WDR49: variants seen among roughly 807,000 people sequenced by gnomAD.
WDR49 encodes the protein WD repeat domain 49.
WDR49 carries 107 observed loss-of-function variants against 119.5 expected under a neutral mutation model. The observed-to-expected ratio is 0.90, with a 90% CI of 0.77 to 1.05. The LOEUF (loss-of-function observed/expected upper bound fraction) is 1.05, where lower values mean the gene tolerates loss of function less well. Among genes scored for constraint, WDR49 ranks in the 50% least tolerant of loss-of-function variants. The pLI, the probability that WDR49 is intolerant of heterozygous loss-of-function variation, is 0.00. For synonymous variants in WDR49, 425 were observed against 418.8 expected, an observed-to-expected ratio of 1.01 and a Z score of -0.18; for missense variants, 1,240 against 1,220.5, an observed-to-expected ratio of 1.02 and a Z score of -0.24.
chr3:167,546,196 G>T (rs1448591313), intron 10 of WDR49, among the ~76,000 whole-genome samples: 2 of 151,738 alleles, frequency 1.3e-5, no homozygotes, highest in Non-Finnish European at 1.5e-5. Context: ...GACATACTAG[G>T]TATAGTCAGA....
intron 10 of WDR49, among the ~76,000 whole-genome samples, chr3:167,538,422 T>A (rs960450070): frequency 6.6e-6 from 1 of 152,128 alleles, no homozygotes; most frequent in African/African-American, 2.4e-5. Context: ...ATGTTACATA[T>A]TCGTTTCTTA....
At chr3:167,561,861 C>T (rs1713288671) in intron 8 of WDR49, among the ~76,000 whole-genome samples, 1 of 152,108 alleles carries the variant, frequency 6.6e-6, no homozygotes, top group South Asian at 2.1e-4. Context: ...ACAGCCACAT[C>T]ATAAGGTCTT....
At chr3:167,606,678 T>G (rs901593887) in intron 5 of WDR49, among the ~76,000 whole-genome samples, 1 of 152,118 alleles carries the variant, frequency 6.6e-6, no homozygotes, top group African/African-American at 2.4e-5. Flanking sequence ...ACAGAATAAT[T>G]CACTGGGAAG....
chr3:167,547,079 C>A (rs1454069910), intron 10 of WDR49, among the ~76,000 whole-genome samples: 2 of 151,740 alleles, frequency 1.3e-5, no homozygotes, highest in Non-Finnish European at 1.5e-5. Flanking sequence ...TCTTTCCCTC[C>A]AATATGGCTA....
intron 2 of WDR49, among the ~76,000 whole-genome samples, chr3:167,641,254 G>A (rs999326478): frequency 6.6e-6 from 1 of 151,976 alleles, no homozygotes; most frequent in African/African-American, 2.4e-5. Context: ...TGCAGAATTT[G>A]CCTCTGTTGA....
intron 17 of WDR49, among the ~76,000 whole-genome samples, chr3:167,501,616 T>A (rs545035369): frequency 6.6e-6 from 1 of 152,276 alleles, no homozygotes; most frequent in East Asian, 1.9e-4. Flanking sequence ...AGTGTGACAT[T>A]CCCTTGGACA....
chr3:167,561,421 T>G (rs929972174), intron 8 of WDR49, among the ~76,000 whole-genome samples: 16 of 151,926 alleles, frequency 1.1e-4, no homozygotes. Flanking sequence ...GAAATGGATC[T>G]TTAAAGAGCA....
At chr3:167,604,250 T>A (rs754597595) in intron 6 of WDR49, 51 bp downstream of exon 6, 1 of 1,596,796 alleles carries the variant, frequency 6.3e-7, no homozygotes, top group East Asian at 2.2e-5. Flanking sequence ...CAAATATACA[T>A]CCCAGACTAT....
chr3:167,651,139 C>A (rs1718358272), intron 2 of WDR49, among the ~76,000 whole-genome samples: 1 of 152,160 alleles, frequency 6.6e-6, no homozygotes, highest in Non-Finnish European at 1.5e-5. Flanking sequence ...AAAGACCCAA[C>A]TTCCTGTTTT....
rs550650794 is a variant in WDR49 at position 167,621,374 on chromosome 3, T to C, written c.783+93A>G. The C allele has an allele frequency of 2.6e-5, 33 of 1,245,604 alleles. No homozygotes were observed. The African/African-American group carries it at 3.4e-4, about 13-fold the overall frequency. 77.2% of individuals were successfully genotyped at this position (1,245,604 alleles called of 1,614,324 possible). The stretch of plus-strand genomic sequence containing the variant: ...ATGTAATCCATAATGTAATTAAATT[T>C]GGAGGTCACACTCATTGCATTTTAA... On this transcript the variant is annotated intron_variant, in intron 4 of 18. Transcript: ENST00000682715.
chr3:167,642,432 T>C (rs1044458041), intron 2 of WDR49, among the ~76,000 whole-genome samples: 1 of 151,920 alleles, frequency 6.6e-6, no homozygotes, highest in Non-Finnish European at 1.5e-5. Context: ...AGAACAAAGG[T>C]TCAAAATGTG....
intron 2 of WDR49, among the ~76,000 whole-genome samples, chr3:167,641,349 A>G (rs750908282): frequency 5.3e-5 from 8 of 151,924 alleles, no homozygotes; most frequent in African/African-American, 9.7e-5. Flanking sequence ...ACTCCTTCTC[A>G]GTATCTCTTG....
intron 10 of WDR49, among the ~76,000 whole-genome samples, chr3:167,552,721 C>T (rs779429981): frequency 6.6e-6 from 1 of 151,846 alleles, no homozygotes; most frequent in Non-Finnish European, 1.5e-5. Context: ...GCCTACCTTC[C>T]GAGATGATGC....
intron 2 of WDR49, among the ~76,000 whole-genome samples, chr3:167,638,256 A>G (rs1354519751): frequency 2.0e-5 from 3 of 151,480 alleles, no homozygotes; most frequent in African/African-American, 7.3e-5. Flanking sequence ...TTTTCTCTAC[A>G]TGAAAAATTG....
In WDR49 at chr3:167,625,250, G is replaced by A. The variant is rs544027196; in HGVS notation, c.606+1602C>T. 4.6e-5 allele frequency among the ~76,000 whole-genome samples: 7 copies of A among 152,114 alleles called. No homozygotes were observed. In the South Asian group the frequency reaches 6.2e-4, roughly 14 times the overall value. On this transcript the variant is annotated intron_variant, in intron 3 of 18. Transcript: ENST00000682715. ...TACCACGAAACAAAGAAGCTTTCAA[G>A]CACTGTCAGGAGTATAAAAAGACTC... is the stretch of plus-strand genomic sequence containing the variant.
chr3:167,488,573 A>G (rs1237662488), intron 18 of WDR49, among the ~76,000 whole-genome samples: 1 of 152,138 alleles, frequency 6.6e-6, no homozygotes, highest in Non-Finnish European at 1.5e-5. Context: ...CTTATCTTAA[A>G]GCACCCTCAA....
chr3:167,490,091 T>C (rs1751073262), intron 18 of WDR49, among the ~76,000 whole-genome samples: 1 of 152,136 alleles, frequency 6.6e-6, no homozygotes, highest in African/African-American at 2.4e-5. Flanking sequence ...AGGTGAGTAT[T>C]GTCAAATGTC....
Position 167,478,726 on chromosome 3 carries a change from C to G in WDR49, c.*152G>C. ...TTTATTAAGAATACAGAGAAATTGA[C>G]AGATGATAGATAAAAGCAGTACTAA... On this transcript the variant is annotated 3_prime_UTR_variant, in exon 19 of 19. Coordinates refer to ENST00000682715, the MANE Select transcript of WDR49 (RefSeq NM_001366157.1). 1 of 458,654 alleles carries G rather than the reference C, an allele frequency of 2.2e-6. No individual in the cohort carries two copies. The highest frequency in any genetic ancestry group is 5.9e-4 in the Middle Eastern group (1 of 1,700). 28.4% of individuals were successfully genotyped at this position (458,654 alleles called of 1,614,324 possible).
intron 10 of WDR49, among the ~76,000 whole-genome samples, chr3:167,542,956 G>T (rs951562592): frequency 6.6e-6 from 1 of 152,118 alleles, no homozygotes; most frequent in East Asian, 1.9e-4. Context: ...AATGAAATGG[G>T]AGATATTACA....
Sources: allele counts gnomAD v4.1 joint callset (sites outside exome capture counted in the v4.1 genomes callset), GRCh38; gene constraint gnomAD v4.1.1; transcripts MANE v1.5; gene names NCBI Gene and HGNC (gene_info 2026-07-23, HGNC 2026-07-21).